MYO5C: variants seen among roughly 807,000 people sequenced by gnomAD.
MYO5C encodes unconventional myosin-Vc.
A neutral mutation model predicts 235.7 loss-of-function variants in MYO5C; 194 were observed. The ratio of observed to expected loss-of-function variants is 0.82; its 90% CI spans 0.73 to 0.93. The LOEUF (loss-of-function observed/expected upper bound fraction) is 0.93, where lower values mean the gene tolerates loss of function less well. Ranked by LOEUF, MYO5C falls within the 40% of genes least tolerant of loss-of-function variation. The probability of loss-of-function intolerance (pLI) is 0.00; values close to 1 mark genes in which losing one functional copy is unlikely to be tolerated. For synonymous variants in MYO5C, 707 were observed against 754.8 expected, an observed-to-expected ratio of 0.94 and a Z score of 1.04; for missense variants, 2,038 against 2,127.2, an observed-to-expected ratio of 0.96 and a Z score of 0.82.
chr15:52,253,817 T>G (rs1261150325), intron 11 of MYO5C, among the ~76,000 whole-genome samples: 1 of 152,216 alleles, frequency 6.6e-6, no homozygotes, highest in Non-Finnish European at 1.5e-5. Flanking sequence ...CCTGGCTGGG[T>G]GGAGCCAGCT....
intron 1 of MYO5C, among the ~76,000 whole-genome samples, chr15:52,283,729 G>A (rs969204817): frequency 1.3e-5 from 2 of 151,828 alleles, no homozygotes; most frequent in African/African-American, 4.8e-5. Context: ...AGGCTGTAGT[G>A]CAACAGCACG....
chr15:52,198,871 C>T (rs1047540518), intron 38 of MYO5C, among the ~76,000 whole-genome samples: 9 of 150,020 alleles, frequency 6.0e-5, no homozygotes, highest in African/African-American at 2.0e-4. Flanking sequence ...TGAGCCACCG[C>T]GCCTGGCCTA....
intron 1 of MYO5C, among the ~76,000 whole-genome samples, chr15:52,284,910 G>A (rs949616199): frequency 6.6e-6 from 1 of 150,928 alleles, no homozygotes; most frequent in African/African-American, 2.4e-5. Flanking sequence ...CGTGATCACA[G>A]CTCACTGGAG....
intron 38 of MYO5C, among the ~76,000 whole-genome samples, chr15:52,197,679 G>A (rs958259957): frequency 6.6e-6 from 1 of 151,962 alleles, no homozygotes; most frequent in African/African-American, 2.4e-5. Flanking sequence ...TCACCCAGGC[G>A]GGAGTACAGT....
intron 2 of MYO5C, 140 bp downstream of exon 2, chr15:52,282,642 G>A: frequency 1.5e-6 from 1 of 651,322 alleles, no homozygotes; most frequent in Non-Finnish European, 2.8e-6. Flanking sequence ...GCACCAGGAG[G>A]CCATTTGGGA....
At chr15:52,285,701 C>T (rs1308313608) in intron 1 of MYO5C, among the ~76,000 whole-genome samples, 1 of 152,258 alleles carries the variant, frequency 6.6e-6, no homozygotes, top group Non-Finnish European at 1.5e-5. Context: ...CAGCTCCGAA[C>T]CACGAGTGAT....
chr15:52,241,974 C>A, intron 20 of MYO5C, 74 bp downstream of exon 20: 2 of 1,474,906 alleles, frequency 1.4e-6, no homozygotes, highest in Non-Finnish European at 1.8e-6. Flanking sequence ...TGAAGTCTTT[C>A]CCTGGGCCCT....
chr15:52,232,065 GTC>G (rs1178802243), intron 24 of MYO5C, among the ~76,000 whole-genome samples: 1 of 150,722 alleles, frequency 6.6e-6, no homozygotes, highest in Non-Finnish European at 1.5e-5. Flanking sequence ...GGTGGTGGTA[GTC>G]TCTGAATTTT....
In MYO5C at chr15:52,244,576, G is replaced by A; in HGVS notation, c.2179-9C>T. 2 of 1,569,368 alleles carry A rather than the reference G, an allele frequency of 1.3e-6. No homozygotes were observed. Among genetic ancestry groups the A allele is most frequent in the Middle Eastern group, 1.9e-4 (1 of 5,298 alleles). The stretch of plus-strand genomic sequence containing the variant: ...TGGTACTGATTAGAATCCTGGAAGA[G>A]AAAAATGATATAGTTAGAATTAAAA... On this transcript the variant is annotated splice_polypyrimidine_tract_variant and intron_variant, in intron 18 of 40. Transcript: ENST00000261839.
rs2036948482 is a variant in MYO5C at position 52,272,598 on chromosome 15, T to C, written c.732A>G (p.Lys244=). The change falls in exon 6 of 41, where the codon AAA becomes AAG. Residue 244 remains lysine, a synonymous_variant. Coordinates refer to ENST00000261839, the MANE Select transcript of MYO5C (RefSeq NM_018728.4). ...GANMSTYLLE[K]SRVVFQSENE... is the part of the protein sequence containing the mutation. Reference sequence around the variant, plus strand: ...TACTTACTTGAAAGACAACTCTGGATTTCTCCAGGAGGTAAGTGCTCATGT... The same window carrying C: ...TACTTACTTGAAAGACAACTCTGGACTTCTCCAGGAGGTAAGTGCTCATGT... 3 of 1,611,796 alleles carry C rather than the reference T, an allele frequency of 1.9e-6. No individual in the cohort carries two copies. The East Asian group carries it at 6.7e-5, about 36-fold the overall frequency.
intron 20 of MYO5C, 85 bp downstream of exon 20, chr15:52,241,963 G>A: frequency 1.4e-6 from 2 of 1,421,434 alleles, no homozygotes; most frequent in Non-Finnish European, 1.9e-6. Context: ...GTTGCCCATA[G>A]TGAAGTCTTT....
chr15:52,269,964 C>G (rs2036885901), intron 7 of MYO5C, 104 bp from the exon 8 acceptor site: 5 of 799,248 alleles, frequency 6.3e-6, no homozygotes, highest in Non-Finnish European at 8.5e-6. Flanking sequence ...GTGTCATGCA[C>G]TTTACACAGT....
intron 7 of MYO5C, among the ~76,000 whole-genome samples, chr15:52,270,486 A>G (rs967289228): frequency 2.0e-5 from 3 of 152,116 alleles, no homozygotes; most frequent in East Asian, 1.9e-4. Context: ...AATAAACTGC[A>G]TATGTTTAAC....
intron 18 of MYO5C, 124 bp downstream of exon 18, chr15:52,245,230 A>G (rs2036311896): frequency 1.3e-6 from 1 of 759,826 alleles, no homozygotes; most frequent in Admixed American, 1.9e-5. Flanking sequence ...CTCAGGGCAC[A>G]TTTTCTTTCC....
intron 30 of MYO5C, among the ~76,000 whole-genome samples, 178 bp from the exon 31 acceptor site, chr15:52,220,000 T>C (rs986398383): frequency 6.6e-6 from 1 of 152,140 alleles, no homozygotes; most frequent in African/African-American, 2.4e-5. Flanking sequence ...ACACTAACAC[T>C]AACAATAGCT....
chr15:52,271,915 G>C (rs1047678308), intron 6 of MYO5C, 71 bp from the exon 7 acceptor site: 4 of 910,698 alleles, frequency 4.4e-6, no homozygotes, highest in Non-Finnish European at 5.2e-6. Flanking sequence ...TTTTTAACTA[G>C]AGGGTCCTAG....
At chr15:52,277,788 G>A (rs1052295662) in intron 4 of MYO5C, 3 of 453,586 alleles carry the variant, frequency 6.6e-6, no homozygotes, top group Non-Finnish European at 1.3e-5. Flanking sequence ...AAGAAGCTCG[G>A]TCTAGCCCCA....
intron 2 of MYO5C, among the ~76,000 whole-genome samples, chr15:52,282,210 G>C (rs142199028): frequency 6.6e-6 from 1 of 152,070 alleles, no homozygotes; most frequent in Non-Finnish European, 1.5e-5. Flanking sequence ...GTCACACAAA[G>C]CTGGGTGTCC....
rs757155615 is a variant in MYO5C, at chr15:52,244,405, G to A, written c.2341C>T (p.Arg781Ter). The A allele has an allele frequency of 1.4e-5, 22 of 1,613,934 alleles. No individual in the cohort carries two copies. Among genetic ancestry groups the A allele is most frequent in the East Asian group, 2.2e-5 (1 of 44,876 alleles). Reference sequence around the variant, plus strand: ...TACTGCTGGATTATCAGGGCGGCTCGTCTCTCTCGGAGGAATTTTTTCCTC... The same window carrying A: ...TACTGCTGGATTATCAGGGCGGCTCATCTCTCTCGGAGGAATTTTTTCCTC... ...LQRKKFLRER[R>*]AALIIQQYFR... Residue 781 changes from arginine to a stop codon, truncating the protein, a stop_gained, in exon 19 of 41, where the codon CGA becomes TGA. Coordinates refer to ENST00000261839, the MANE Select transcript of MYO5C (RefSeq NM_018728.4). LOFTEE classifies it high-confidence loss of function.
Sources: gnomAD v4.1 joint callset for allele counts (sites outside exome capture counted in the v4.1 genomes callset) on GRCh38, gnomAD v4.1.1 for gene constraint, MANE v1.5 for transcripts, NCBI Gene and HGNC (gene_info 2026-07-23, HGNC 2026-07-21) for gene names.